The following CPEB3 variants were observed in gnomAD, a reference collection of about 807,000 sequenced individuals.
The protein encoded by CPEB3 is cytoplasmic polyadenylation element-binding protein 3.
CPEB3 carries 20 observed loss-of-function variants against 67.2 expected under a neutral mutation model. The observed-to-expected ratio is 0.30, with a 90% CI of 0.21 to 0.43. The LOEUF (loss-of-function observed/expected upper bound fraction) is 0.43. Among genes scored for constraint, CPEB3 ranks in the 20% least tolerant of loss-of-function variants. CPEB3 has a pLI of 1.00. For missense variants in CPEB3, 746 were observed against 968.6 expected, an observed-to-expected ratio of 0.77 and a Z score of 3.05; for synonymous variants, 376 against 393.1, an observed-to-expected ratio of 0.96 and a Z score of 0.51.
At chr10:92,064,023 G>T (rs910089439) in intron 9 of CPEB3, among the ~76,000 whole-genome samples, 1 of 152,152 alleles carries the variant, frequency 6.6e-6, no homozygotes, top group Non-Finnish European at 1.5e-5. Flanking sequence ...CAAAAAATTG[G>T]TAAGTCAAAG....
At chr10:92,289,937 GT>G (rs139664506) in intron 1 of CPEB3, among the ~76,000 whole-genome samples, 28,419 of 113,330 alleles carry the variant, frequency 0.25, 5,681 homozygotes, top group African/African-American at 0.39. Flanking sequence ...GTGGGGGGGG[GT>G]GGGTGCTGTT....
intron 6 of CPEB3, among the ~76,000 whole-genome samples, chr10:92,131,623 T>C (rs1345550308): frequency 1.3e-5 from 2 of 152,178 alleles, no homozygotes; most frequent in Non-Finnish European, 2.9e-5. Context: ...GGAGTAAAGA[T>C]TGCAGGGAAG....
At chr10:92,132,533 T>C (rs1056963297) in intron 6 of CPEB3, among the ~76,000 whole-genome samples, 2 of 152,166 alleles carry the variant, frequency 1.3e-5, no homozygotes, top group African/African-American at 4.8e-5. Context: ...TTAATAAATT[T>C]ACCTATATAA....
At chr10:92,243,932 A>C (rs1851951884) in intron 1 of CPEB3, among the ~76,000 whole-genome samples, 1 of 152,074 alleles carries the variant, frequency 6.6e-6, no homozygotes. Flanking sequence ...CTCTGAACCA[A>C]CTCACCTCCT....
chr10:92,072,186 G>C (rs1842776897), intron 9 of CPEB3, among the ~76,000 whole-genome samples: 7 of 152,076 alleles, frequency 4.6e-5, no homozygotes. Context: ...AACATACCCA[G>C]TTGTCTACAT....
chr10:92,248,889 A>G (rs1382195005), intron 1 of CPEB3, among the ~76,000 whole-genome samples: 1 of 152,210 alleles, frequency 6.6e-6, no homozygotes, highest in Non-Finnish European at 1.5e-5. Flanking sequence ...TTCTGGATAT[A>G]CAGTCATGCA....
intron 2 of CPEB3, among the ~76,000 whole-genome samples, chr10:92,228,181 C>T (rs920074103): frequency 5.9e-5 from 9 of 152,192 alleles, no homozygotes; most frequent in Non-Finnish European, 1.0e-4. Flanking sequence ...AGCCACTGCA[C>T]CCAGCCTATA....
chr10:92,069,379 T>C (rs1189208994), intron 9 of CPEB3, among the ~76,000 whole-genome samples: 4 of 152,190 alleles, frequency 2.6e-5, no homozygotes, highest in African/African-American at 9.7e-5. Context: ...AACATGCTAC[T>C]CAAAGCAAAT....
chr10:92,176,971 A>G (rs1172752014), intron 4 of CPEB3, among the ~76,000 whole-genome samples: 1 of 152,386 alleles, frequency 6.6e-6, no homozygotes, highest in East Asian at 1.9e-4. Flanking sequence ...CAAATTTAAA[A>G]CAATATGAGT....
At chr10:92,152,144 A>G (rs1564821430) in intron 4 of CPEB3, among the ~76,000 whole-genome samples, 1 of 152,200 alleles carries the variant, frequency 6.6e-6, no homozygotes. Context: ...ATACTCCTCC[A>G]TCACCTACCA....
At chr10:92,287,708 G>T (rs1350566172) in intron 1 of CPEB3, among the ~76,000 whole-genome samples, 1 of 152,038 alleles carries the variant, frequency 6.6e-6, no homozygotes, top group Non-Finnish European at 1.5e-5. Flanking sequence ...CCCCTTTTAA[G>T]TGTACAATGG....
At chr10:92,090,308 G>A (rs556199973) in intron 8 of CPEB3, among the ~76,000 whole-genome samples, 1 of 152,308 alleles carries the variant, frequency 6.6e-6, no homozygotes, top group African/African-American at 2.4e-5. Flanking sequence ...TTGGGAGGCT[G>A]AGGTGGGTGG....
intron 1 of CPEB3, among the ~76,000 whole-genome samples, chr10:92,270,559 CTTTTTT>C (rs571582158): frequency 8.0e-6 from 1 of 124,866 alleles, no homozygotes. Context: ...TTTTATATTA[CTTTTTT>C]TTTTTTTTTT....
intron 6 of CPEB3, among the ~76,000 whole-genome samples, chr10:92,113,434 C>G (rs1323701161): frequency 1.3e-5 from 2 of 152,144 alleles, no homozygotes; most frequent in Non-Finnish European, 2.9e-5. Flanking sequence ...CCAAATATCA[C>G]AAAGAGGAGG....
intron 1 of CPEB3, among the ~76,000 whole-genome samples, chr10:92,254,597 C>T (rs1209996386): frequency 6.6e-6 from 1 of 152,064 alleles, no homozygotes; most frequent in East Asian, 1.9e-4. Context: ...GAAGGGCCTC[C>T]TGGCCACAAA....
intron 6 of CPEB3, among the ~76,000 whole-genome samples, chr10:92,111,979 G>C (rs1029971591): frequency 1.1e-4 from 17 of 152,106 alleles, no homozygotes; most frequent in Non-Finnish European, 2.9e-5. Context: ...GAGTACAGTA[G>C]GTCTAGAAAA....
chr10:92,149,845 C>T (rs1846875570), intron 4 of CPEB3, among the ~76,000 whole-genome samples: 2 of 152,108 alleles, frequency 1.3e-5, no homozygotes. Context: ...CACAAATTTC[C>T]CCAGTGATTC....
At chr10:92,260,791 T>C (rs1852762175) in intron 1 of CPEB3, among the ~76,000 whole-genome samples, 1 of 151,916 alleles carries the variant, frequency 6.6e-6, no homozygotes, top group African/African-American at 2.4e-5. Flanking sequence ...GTATTTTTAG[T>C]AGAGACGGGG....
intron 4 of CPEB3, among the ~76,000 whole-genome samples, chr10:92,172,181 C>T (rs970964841): frequency 3.7e-4 from 56 of 152,018 alleles, no homozygotes; most frequent in African/African-American, 1.3e-3. Context: ...AGGTAACTTG[C>T]CACAAGGTCA....
Sources: gnomAD v4.1 joint callset for allele counts (sites outside exome capture counted in the v4.1 genomes callset) on GRCh38, gnomAD v4.1.1 for gene constraint, MANE v1.5 for transcripts, NCBI Gene and HGNC (gene_info 2026-07-23, HGNC 2026-07-21) for gene names.